Variants in ATG4B observed in about 807,000 individuals in gnomAD.
ATG4B encodes the protein cysteine protease ATG4B.
ATG4B carries 29 observed loss-of-function variants against 56.6 expected under a neutral mutation model. That is an observed-to-expected ratio of 0.51 (90% CI 0.38 to 0.70). ATG4B has a LOEUF of 0.70. Ranked by LOEUF, ATG4B falls within the 30% of genes least tolerant of loss-of-function variation. The pLI is 0.00. For missense variants in ATG4B, 461 were observed against 515.5 expected, an observed-to-expected ratio of 0.89 and a Z score of 1.02; for synonymous variants, 224 against 206.1, an observed-to-expected ratio of 1.09 and a Z score of -0.74.
intron 7 of ATG4B, among the ~76,000 whole-genome samples, chr2:241,662,993 C>G (rs993348687): frequency 3.3e-5 from 5 of 152,034 alleles, no homozygotes; most frequent in East Asian, 1.9e-4. Flanking sequence ...CCCAGCACTT[C>G]GGGAGGCCAA....
In ATG4B at chr2:241,639,544, C is replaced by T. The variant is rs576470763; in HGVS notation, c.10+1820C>T. Among the ~76,000 whole-genome samples, 4 of 152,258 alleles carry T rather than the reference C, an allele frequency of 2.6e-5. No individual in the cohort carries two copies. In the East Asian group the frequency reaches 7.7e-4, roughly 29 times the overall value. On this transcript the variant is annotated intron_variant, in intron 1 of 12. Transcript: ENST00000404914. ...ATTCATTGGGTCCCTAGTTCTTGTC[C>T]CACGTCCAAGAAGAATGAGACTACA...
At chr2:241,644,831 C>T (rs2068013691) in intron 1 of ATG4B, among the ~76,000 whole-genome samples, 1 of 152,016 alleles carries the variant, frequency 6.6e-6, no homozygotes, top group South Asian at 2.1e-4. Context: ...CACCTGTAAT[C>T]CCAGCTACTC....
chr2:241,649,370 A>G (rs2068161942), intron 1 of ATG4B, among the ~76,000 whole-genome samples: 1 of 152,270 alleles, frequency 6.6e-6, no homozygotes, highest in Non-Finnish European at 1.5e-5. Context: ...TGTAGTCTTC[A>G]GAATTTTTTA....
In ATG4B at chr2:241,666,817, G is replaced by T; in HGVS notation, c.711G>T (p.Glu237Asp). 1 of 1,568,534 alleles carries T rather than the reference G, an allele frequency of 6.4e-7. No individual in the cohort carries two copies. The change falls in exon 8 of 13, where the codon GAG becomes GAT. Residue 237 changes from glutamate (E) to aspartate (D), a missense_variant. By Grantham distance (45) the Glu-to-Asp change is conservative (BLOSUM62 2). Coordinates refer to ENST00000404914, the MANE Select transcript of ATG4B (RefSeq NM_013325.5). ...PLRLGLTDINEAYVETLKHCF... is the reference protein window; with the variant it reads ...PLRLGLTDINDAYVETLKHCF... ...GCCTGGGGCTCACGGACATCAACGA[G>T]GCCTACGTGGAGACGCTGAAGGTGG...
In ATG4B at chr2:241,668,778, T is replaced by G. The variant is rs542823933; in HGVS notation, c.957+93T>G. 1 of 1,496,032 alleles carries G rather than the reference T, an allele frequency of 6.7e-7. No individual in the cohort carries two copies. The highest frequency in any genetic ancestry group is 2.5e-5 in the East Asian group (1 of 40,736). The allele number at this position is 1,496,032 out of a possible 1,614,324, so 92.7% of individuals were successfully genotyped here. A position where few individuals can be genotyped will look rare whatever the true frequency, so the allele number is the denominator to read the frequency against. On this transcript the variant is annotated intron_variant, in intron 10 of 12. Transcript: ENST00000404914. This position sits in a 1 kb window ranked among gnomAD's most constrained non-coding sequence, Gnocchi z 4.2. ...CTTTCGGATTTTTGCGTTTTTTTTT[T>G]CAGCATGTTGGGATAAGTACTGTGT...
Position 241,651,225 on chromosome 2 carries a change from TTGTG to T in ATG4B, c.113-29_113-26del. 4 of 1,557,158 alleles carry T rather than the reference TTGTG, an allele frequency of 2.6e-6. No individual in the cohort carries two copies. The highest frequency in any genetic ancestry group is 2.6e-6 in the Non-Finnish European group (3 of 1,143,456). On this transcript the variant is annotated intron_variant, in intron 2 of 12. Transcript: ENST00000404914. The surrounding 1 kb of genome is among the most constrained non-coding windows in gnomAD (Gnocchi z 4.1). ...ACTTGTGACTTGCAAACTTAAGGCG[TTGTG>T]TGTGTGTGTTTTTTTTCTTTTAAAC...
At position 241,653,578 on chromosome 2, in the gene ATG4B, C is replaced by T; in HGVS notation, c.251C>T (p.Ala84Val). 3 of 1,576,396 alleles carry T rather than the reference C, an allele frequency of 1.9e-6. No homozygotes were observed. The highest frequency in any genetic ancestry group is 1.7e-6 in the Non-Finnish European group (2 of 1,160,912). The change falls in exon 4 of 13, where the codon GCC becomes GTC. Residue 84 changes from alanine (A) to valine (V), a missense_variant. Transcript: ENST00000404914. ...CTGCGGTGTGGACAGATGATCTTTGCCCAAGCCCTGGTGTGCCGGCACCTA... is the reference window on the plus strand; with the variant it reads ...CTGCGGTGTGGACAGATGATCTTTGTCCAAGCCCTGGTGTGCCGGCACCTA... ...CMLRCGQMIF[A>V]QALVCRHLGR...
intron 10 of ATG4B, among the ~76,000 whole-genome samples, chr2:241,670,160 C>T (rs1469013668): frequency 6.6e-6 from 1 of 152,218 alleles, no homozygotes; most frequent in African/African-American, 2.4e-5. Context: ...GTGTTAACAT[C>T]TGCGCATCTG....
At chr2:241,670,651 G>A in intron 10 of ATG4B, 75 bp from the exon 11 acceptor site, 1 of 1,346,868 alleles carries the variant, frequency 7.4e-7, no homozygotes, top group Non-Finnish European at 1.0e-6. Flanking sequence ...CACTGGCAGT[G>A]GGAATGGAAG....
intron 1 of ATG4B, among the ~76,000 whole-genome samples, chr2:241,645,893 A>G (rs1676957274): frequency 6.6e-6 from 1 of 152,124 alleles, no homozygotes; most frequent in Admixed American, 6.5e-5. Flanking sequence ...GGAGGAGCAG[A>G]GCAGCTTGGG....
rs1464289611 is a variant in ATG4B, at chr2:241,653,601, C to A, written c.274C>A (p.Leu92Ile). Residue 92 changes from leucine to isoleucine, a missense_variant, in exon 4 of 13, where the codon CTA becomes ATA. Leu to Ile is a conservative substitution (Grantham distance 5). Coordinates refer to ENST00000404914, the MANE Select transcript of ATG4B (RefSeq NM_013325.5). The stretch of plus-strand genomic sequence containing the variant: ...TGCCCAAGCCCTGGTGTGCCGGCAC[C>A]TAGGCCGAGGTGAGTCACAGCCCTG... The part of the protein sequence containing the change: ...IFAQALVCRH[L>I]GRDWRWTQRK... The A allele has an allele frequency of 8.3e-6, 13 of 1,566,008 alleles. No individual in the cohort carries two copies. The highest frequency in any genetic ancestry group is 2.4e-5 in the East Asian group (1 of 42,130).
At chr2:241,640,771 T>C (rs1436380052) in intron 1 of ATG4B, among the ~76,000 whole-genome samples, 1 of 152,054 alleles carries the variant, frequency 6.6e-6, no homozygotes, top group African/African-American at 2.4e-5. Context: ...AAGAGCCTGG[T>C]GTGGCTCAGG....
chr2:241,670,323 C>T lies in ATG4B; in HGVS notation c.958-403C>T, dbSNP rs918811918. 4.0e-5 allele frequency among the ~76,000 whole-genome samples: 6 copies of T among 151,292 alleles called. No individual in the cohort carries two copies. The East Asian group carries it at 5.8e-4, about 15-fold the overall frequency. On this transcript the variant is annotated intron_variant, in intron 10 of 12. Transcript: ENST00000404914. ...TTGGGCAGTTCTCGGTGGCCTTTGC[C>T]GCCAAGCTTCCAGGGAGCTGCTGGG...
chr2:241,648,146 C>T (rs774386593), intron 1 of ATG4B, among the ~76,000 whole-genome samples: 11 of 152,120 alleles, frequency 7.2e-5, no homozygotes, highest in Non-Finnish European at 1.3e-4. Flanking sequence ...GACCTTAATT[C>T]ATCCTAATTC....
intron 6 of ATG4B, among the ~76,000 whole-genome samples, chr2:241,658,330 G>A (rs868114894): frequency 3.2e-4 from 49 of 152,052 alleles, no homozygotes; most frequent in African/African-American, 1.1e-3. Flanking sequence ...GCAGTGGGGG[G>A]CAGGCTGTCC....
intron 7 of ATG4B, among the ~76,000 whole-genome samples, chr2:241,665,324 C>G (rs2068728938): frequency 2.0e-5 from 3 of 152,190 alleles, no homozygotes; most frequent in Admixed American, 1.3e-4. Context: ...GCCTCATCAC[C>G]ACAAAAGAGG....
intron 1 of ATG4B, among the ~76,000 whole-genome samples, chr2:241,641,084 G>A (rs905059968): frequency 1.4e-4 from 21 of 152,240 alleles, no homozygotes; most frequent in African/African-American, 4.3e-4. Flanking sequence ...TGTTGAACAA[G>A]CCAGCAAGGA....
intron 10 of ATG4B, among the ~76,000 whole-genome samples, chr2:241,670,085 A>T (rs958340509): frequency 1.1e-4 from 17 of 152,226 alleles, no homozygotes; most frequent in African/African-American, 3.6e-4. Flanking sequence ...CCGAGGCGGC[A>T]GAATGGTGTC....
chr2:241,658,482 T>G (rs147195591), intron 6 of ATG4B, among the ~76,000 whole-genome samples: 6,330 of 152,198 alleles, frequency 0.042, 164 homozygotes, highest in Non-Finnish European at 0.067. Flanking sequence ...CCTCAGGGCC[T>G]TTTCTATTGT....
Sources: gnomAD v4.1 joint callset for allele counts (sites outside exome capture counted in the v4.1 genomes callset) on GRCh38, gnomAD v4.1.1 for gene constraint, Gnocchi (gnomAD v3.1) non-coding constraint, MANE v1.5 for transcripts, NCBI Gene and HGNC (gene_info 2026-07-23, HGNC 2026-07-21) for gene names.